Variants in ZNF75D observed in about 807,000 individuals in gnomAD.
ZNF75D encodes the protein zinc finger protein 75.
A neutral mutation model predicts 33.3 loss-of-function variants in ZNF75D; 33 were observed. The ratio of observed to expected loss-of-function variants is 0.99; its 90% CI spans 0.75 to 1.32. The LOEUF is 1.32. Among genes scored for constraint, ZNF75D ranks in the 40% most tolerant of loss-of-function variants. The probability of loss-of-function intolerance (pLI) is 0.00; values close to 1 mark genes in which losing one functional copy is unlikely to be tolerated. For synonymous variants in ZNF75D, 113 were observed against 130.6 expected (o/e 0.87, Z 0.92); for missense variants, 338 against 367.5 (o/e 0.92, Z 0.66).
At chrX:135,267,125 G>A (rs1206359498) in intron 1 of ZNF75D, among the ~76,000 whole-genome samples, 8 of 111,035 alleles carry the variant, frequency 7.2e-5, no homozygotes, top group Non-Finnish European at 1.3e-4. Context: ...AGTACCAAGA[G>A]GGAAGTTTAT....
chrX:135,335,698 T>C (rs920456791), intron 1 of ZNF75D, among the ~76,000 whole-genome samples: 6 of 112,023 alleles, frequency 5.4e-5, no homozygotes, highest in African/African-American at 1.6e-4. Flanking sequence ...CATATACTCA[T>C]ATATAATTGT....
intron 1 of ZNF75D, among the ~76,000 whole-genome samples, chrX:135,266,206 A>C (rs945579966): frequency 2.7e-5 from 3 of 111,944 alleles, no homozygotes; most frequent in Non-Finnish European, 5.6e-5. Context: ...GAAGGAAAGA[A>C]AGAAGGAAGA....
At chrX:135,303,101 C>T (rs1163363045) in intron 1 of ZNF75D, among the ~76,000 whole-genome samples, 2 of 111,010 alleles carry the variant, frequency 1.8e-5, no homozygotes, top group Non-Finnish European at 3.8e-5. Flanking sequence ...TATTGCTGCC[C>T]GCATGTCCCA....
chrX:135,274,739 C>T (rs1305603345), intron 1 of ZNF75D, among the ~76,000 whole-genome samples: 2 of 112,050 alleles, frequency 1.8e-5, no homozygotes, highest in African/African-American at 3.2e-5. Flanking sequence ...TTTAGGCAAA[C>T]GTGTAAATTA....
chrX:135,338,144 A>C (rs1204830151), intron 1 of ZNF75D, among the ~76,000 whole-genome samples: 1 of 111,172 alleles, frequency 9.0e-6, no homozygotes, highest in African/African-American at 3.3e-5. Context: ...GGTTGGGTGC[A>C]TCTGTGGAAA....
rs782613212 is a variant in ZNF75D, at chrX:135,249,143, C to T, written n.1455G>A. The T allele has an allele frequency of 8.1e-3, 2,617 of 322,223 alleles. 14 individuals carry two copies. The highest frequency in any genetic ancestry group is 0.064 in the African/African-American group (2,320 of 36,435). 26.6% of individuals were successfully genotyped at this position (322,223 alleles called of 1,213,427 possible). On this transcript the variant is annotated non_coding_transcript_exon_variant, in exon 4 of 4. Transcript: ENST00000494295. ...TTCCCAAGCTGTCTACTGAGTAAAA[C>T]GCTCAGCACCGATTTAGAGGCCAGG...
At chrX:135,307,729 G>A (rs1215731363) in intron 1 of ZNF75D, among the ~76,000 whole-genome samples, 1 of 112,225 alleles carries the variant, frequency 8.9e-6, no homozygotes, top group Admixed American at 9.4e-5. Context: ...AGTTGTGTGA[G>A]ACACAGCAGT....
intron 1 of ZNF75D, among the ~76,000 whole-genome samples, 198 bp from the exon 2 acceptor site, chrX:135,296,237 C>T (rs2084128625): frequency 9.0e-6 from 1 of 111,306 alleles, no homozygotes; most frequent in Non-Finnish European, 1.9e-5. Context: ...TTAATGCTAC[C>T]GAGTCTCTAG....
chrX:135,279,049 G>A (rs1190858169), intron 1 of ZNF75D, among the ~76,000 whole-genome samples: 3 of 111,729 alleles, frequency 2.7e-5, no homozygotes, highest in Non-Finnish European at 5.6e-5. Flanking sequence ...GTTTGGAATA[G>A]TTTCAGAAGG....
chrX:135,303,124 A>G (rs895015505), intron 1 of ZNF75D, among the ~76,000 whole-genome samples: 3 of 111,371 alleles, frequency 2.7e-5, no homozygotes, highest in Non-Finnish European at 5.7e-5. Flanking sequence ...TCCAGCCCCA[A>G]GGCGGTTTTC....
At chrX:135,332,506 C>T (rs1422111938) in intron 1 of ZNF75D, among the ~76,000 whole-genome samples, 2 of 111,327 alleles carry the variant, frequency 1.8e-5, no homozygotes, top group East Asian at 2.8e-4. Context: ...TATATAAACC[C>T]GGATGTGAGC....
rs782405473 is a variant in ZNF75D, at chrX:135,344,102, T to C, written c.-2725A>G. ...ACCATTGTATCAAGCGGCCATTGGA[T>C]CAGGTCTAGCCACAATTCGCAGCTG... On this transcript the variant is annotated 5_prime_UTR_variant, in exon 1 of 7. Transcript: ENST00000370766. The C allele has an allele frequency of 1.8e-5, 2 of 111,954 alleles. No individual in the cohort carries two copies. Among genetic ancestry groups the C allele is most frequent in the South Asian group, 7.4e-4 (2 of 2,701 alleles). 9.2% of individuals were successfully genotyped at this position (111,954 alleles called of 1,213,427 possible).
intron 1 of ZNF75D, among the ~76,000 whole-genome samples, chrX:135,303,176 G>C (rs906499709): frequency 1.8e-5 from 2 of 110,645 alleles, no homozygotes; most frequent in East Asian, 2.9e-4. Context: ...GTTTTACACC[G>C]AGACATTCCA....
At chrX:135,259,045 A>G (rs2083825688) in intron 1 of ZNF75D, among the ~76,000 whole-genome samples, 1 of 112,267 alleles carries the variant, frequency 8.9e-6, no homozygotes, top group African/African-American at 3.2e-5. Flanking sequence ...CATTTATTAA[A>G]TAGGGAATCC....
At chrX:135,312,163 C>A (rs1457111633) in intron 1 of ZNF75D, among the ~76,000 whole-genome samples, 1 of 111,623 alleles carries the variant, frequency 9.0e-6, no homozygotes, top group Non-Finnish European at 1.9e-5. Flanking sequence ...ACACACCCTT[C>A]CCAGACTCTG....
intron 1 of ZNF75D, among the ~76,000 whole-genome samples, chrX:135,266,377 A>G (rs1207068813): frequency 8.9e-6 from 1 of 112,147 alleles, no homozygotes; most frequent in Non-Finnish European, 1.9e-5. Context: ...GTTGCCTGCA[A>G]GAAACATACT....
At chrX:135,311,696 C>T (rs1181620925) in intron 1 of ZNF75D, among the ~76,000 whole-genome samples, 6 of 111,530 alleles carry the variant, frequency 5.4e-5, no homozygotes, top group African/African-American at 1.6e-4. Context: ...CCAACATCTC[C>T]CCTCACTGTT....
intron 1 of ZNF75D, among the ~76,000 whole-genome samples, chrX:135,278,012 T>C (rs1251320391): frequency 3.6e-5 from 4 of 112,205 alleles, no homozygotes; most frequent in African/African-American, 6.5e-5. Flanking sequence ...TAGTTTTTTT[T>C]CTAATTCTGT....
At chrX:135,329,433 A>C (rs782123927) in intron 1 of ZNF75D, among the ~76,000 whole-genome samples, 7 of 111,625 alleles carry the variant, frequency 6.3e-5, no homozygotes, top group African/African-American at 2.3e-4. Flanking sequence ...ACATGTCACC[A>C]TGCCCAGCTA....
Sources: allele counts gnomAD v4.1 joint callset (sites outside exome capture counted in the v4.1 genomes callset), GRCh38; gene constraint gnomAD v4.1.1; transcripts MANE v1.5; gene names NCBI Gene and HGNC (gene_info 2026-07-23, HGNC 2026-07-21).